KIF3A: variants seen among roughly 807,000 people sequenced by gnomAD.
The protein encoded by KIF3A is kinesin family member 3A, also known as kinesin-like protein KIF3A.
A neutral mutation model predicts 92.6 loss-of-function variants in KIF3A; 27 were observed. That is an observed-to-expected ratio of 0.29 (90% CI 0.21 to 0.40). The LOEUF is 0.40. Among genes scored for constraint, KIF3A ranks in the 10% least tolerant of loss-of-function variants. The pLI, the probability that KIF3A is intolerant of heterozygous loss-of-function variation, is 1.00. For synonymous variants in KIF3A, 250 were observed against 275.4 expected (o/e 0.91, Z 0.92); for missense variants, 581 against 872.6 (o/e 0.67, Z 4.21).
In KIF3A at chr5:132,702,654, A is replaced by G; in HGVS notation, c.1662T>C (p.Asp554=). ...ELEEKEQERL[D]IEEKYTSLQE... ...GCAAACTGGTATATTTTTCTTCAAT[A>G]TCCAAGCGTTCTTGCTATGACAAAA... The change falls in exon 14 of 19, where the codon GAT becomes GAC. Residue 554 remains aspartate, a synonymous_variant. Transcript: ENST00000403231. 2 of 1,608,876 alleles carry G rather than the reference A, an allele frequency of 1.2e-6. No homozygotes were observed. Among genetic ancestry groups the G allele is most frequent in the Non-Finnish European group, 1.7e-6 (2 of 1,177,248 alleles).
intron 1 of KIF3A, 38 bp from the exon 2 acceptor site, chr5:132,734,516 T>C: frequency 7.7e-6 from 12 of 1,550,856 alleles, no homozygotes; most frequent in Non-Finnish European, 1.0e-5. Context: ...GAAAAGAACA[T>C]TAATTTTTAC....
At chr5:132,691,939 ATAAAATAAAATAAAATAAAATT>A (rs1191521795), downstream of KIF3A, among the ~76,000 whole-genome samples, 1 of 149,816 alleles carries the variant, frequency 6.7e-6, no homozygotes, top group African/African-American at 2.4e-5. Flanking sequence ...AATAAATAAA[ATAAAATAAAATAAAATAAAATT>A]TAAAATAAAA....
chr5:132,707,885 C>T (rs1011009929), intron 10 of KIF3A, among the ~76,000 whole-genome samples: 2 of 152,142 alleles, frequency 1.3e-5, no homozygotes, highest in Non-Finnish European at 2.9e-5. Flanking sequence ...CACTTTTCAA[C>T]TTAATTAAAT....
At chr5:132,727,573 G>C (rs886150646) in intron 2 of KIF3A, among the ~76,000 whole-genome samples, 1 of 152,170 alleles carries the variant, frequency 6.6e-6, no homozygotes, top group Non-Finnish European at 1.5e-5. Flanking sequence ...AGATGGAAAG[G>C]GAAGATGGAT....
At position 132,692,829 on chromosome 5, in the gene KIF3A, T is replaced by C. The variant is rs748020598; in HGVS notation, c.*3805A>G. On this transcript the variant is annotated 3_prime_UTR_variant, in exon 19 of 19. Coordinates refer to ENST00000403231, the MANE Select transcript of KIF3A (RefSeq NM_001300791.2). The stretch of plus-strand genomic sequence containing the variant: ...ATGCTACTGAAGTTATTCATTAAAT[T>C]AGTCAGACTACAGTATAAGTTCAAA... 1.3e-5 allele frequency: 2 copies of C among 152,746 alleles called. No homozygotes were observed. The highest frequency in any genetic ancestry group is 2.9e-5 in the Non-Finnish European group (2 of 68,030). 9.5% of individuals were successfully genotyped at this position (152,746 alleles called of 1,614,324 possible).
intron 4 of KIF3A, chr5:132,721,573 G>A (rs1200605928): frequency 6.6e-6 from 1 of 152,192 alleles, no homozygotes; most frequent in Non-Finnish European, 1.5e-5. Context: ...TATAAAGGTA[G>A]ACACTCAACA....
At position 132,698,729 on chromosome 5, in the gene KIF3A, A is replaced by ATTTT. The variant is rs200925076; in HGVS notation, c.2132+438_2132+441dup. On this transcript the variant is annotated intron_variant, in intron 18 of 18. Coordinates refer to ENST00000403231, the MANE Select transcript of KIF3A (RefSeq NM_001300791.2). ...CAAATTCTAATACATAAGGAATTTGATTTTTTTTTTTTTTTTTTGAGACCA... is the reference window on the plus strand; with the variant it reads ...CAAATTCTAATACATAAGGAATTTGATTTTTTTTTTTTTTTTTTTTTTGAGACCA... Among the ~76,000 whole-genome samples, 3 of 132,144 alleles carry ATTTT rather than the reference A, an allele frequency of 2.3e-5. 1 individual carries two copies. Among genetic ancestry groups the ATTTT allele is most frequent in the Non-Finnish European group, 3.1e-5 (2 of 63,750 alleles). 86.7% of individuals were successfully genotyped at this position (132,144 alleles called of 152,430 possible).
chr5:132,711,851 T>G (rs1244836829), intron 8 of KIF3A, among the ~76,000 whole-genome samples: 1 of 152,158 alleles, frequency 6.6e-6, no homozygotes, highest in Non-Finnish European at 1.5e-5. Flanking sequence ...AAGTGCTTAT[T>G]TGTACAAAGA....
chr5:132,701,089 A>T (rs1753020075), intron 15 of KIF3A, among the ~76,000 whole-genome samples: 1 of 152,042 alleles, frequency 6.6e-6, no homozygotes, highest in Non-Finnish European at 1.5e-5. Context: ...CAATAAGGAG[A>T]ATGTACCATG....
intron 8 of KIF3A, among the ~76,000 whole-genome samples, chr5:132,712,220 G>A (rs1359103300): frequency 1.3e-5 from 2 of 152,220 alleles, no homozygotes; most frequent in Non-Finnish European, 2.9e-5. Context: ...AGGGACCAGA[G>A]AGAAGTGAAT....
chr5:132,724,806 A>AAAAAAATTTAT (rs59476182), intron 4 of KIF3A, among the ~76,000 whole-genome samples: 1 of 22,700 alleles, frequency 4.4e-5, no homozygotes, highest in Non-Finnish European at 8.2e-5. Flanking sequence ...AAAAAAAAAA[A>AAAAAAATTTAT]ATATATATAT....
intron 16 of KIF3A, 110 bp downstream of exon 16, chr5:132,700,537 C>A: frequency 2.7e-6 from 2 of 743,930 alleles, no homozygotes; most frequent in Admixed American, 2.2e-5. Context: ...ACTGGATTCT[C>A]ATCTGATTCA....
At chr5:132,703,746 A>C in intron 11 of KIF3A, 127 bp from the exon 12 acceptor site, 2 of 644,338 alleles carry the variant, frequency 3.1e-6, no homozygotes, top group Middle Eastern at 4.3e-4. Flanking sequence ...TCAATATTTT[A>C]AGGAAATCAA....
chr5:132,730,742 C>CA (rs1377428051), intron 2 of KIF3A, among the ~76,000 whole-genome samples: 2 of 152,060 alleles, frequency 1.3e-5, no homozygotes, highest in Non-Finnish European at 2.9e-5. Context: ...CTAAGTGAGC[C>CA]ATGATCACAC....
At chr5:132,713,920 G>T (rs1347960774) in intron 8 of KIF3A, among the ~76,000 whole-genome samples, 12 of 125,082 alleles carry the variant, frequency 9.6e-5, no homozygotes, top group African/African-American at 3.6e-4. Flanking sequence ...TTTTGAGATG[G>T]GAGTCTCACT....
chr5:132,702,761 G>A (rs1581066393), intron 13 of KIF3A, 93 bp from the exon 14 acceptor site: 3 of 1,278,764 alleles, frequency 2.3e-6, no homozygotes, highest in East Asian at 4.6e-5. Flanking sequence ...TAGCAAATCT[G>A]ATCTTCAAAG....
At chr5:132,727,468 A>C (rs1425964826) in intron 2 of KIF3A, among the ~76,000 whole-genome samples, 1 of 152,176 alleles carries the variant, frequency 6.6e-6, no homozygotes, top group East Asian at 1.9e-4. Flanking sequence ...TCTGAAATAC[A>C]AGTAAGAATC....
intron 8 of KIF3A, among the ~76,000 whole-genome samples, chr5:132,714,344 C>T (rs752388512): frequency 2.0e-5 from 3 of 152,056 alleles, no homozygotes; most frequent in Non-Finnish European, 2.9e-5. Flanking sequence ...AAACTGAAGA[C>T]GGATAACTGC....
chr5:132,714,993 A>C (rs928083097), intron 8 of KIF3A, among the ~76,000 whole-genome samples: 3 of 152,164 alleles, frequency 2.0e-5, no homozygotes, highest in Non-Finnish European at 4.4e-5. Context: ...TTTACTAAAT[A>C]AGTACCCTCT....
Sources: allele counts gnomAD v4.1 joint callset (sites outside exome capture counted in the v4.1 genomes callset), GRCh38; gene constraint gnomAD v4.1.1; transcripts MANE v1.5; gene names NCBI Gene and HGNC (gene_info 2026-07-23, HGNC 2026-07-21).